Variants in UNC13A observed in about 807,000 individuals in gnomAD.
UNC13A encodes protein unc-13 homolog A.
A neutral mutation model predicts 219.7 loss-of-function variants in UNC13A; 61 were observed. That is an observed-to-expected ratio of 0.28 (90% CI 0.23 to 0.34). The LOEUF is 0.34. UNC13A is among the 10% of genes least tolerant of loss of function. UNC13A has a pLI of 1.00. For missense variants in UNC13A, 1,476 were observed against 2,270.3 expected, an observed-to-expected ratio of 0.65 and a Z score of 7.11; for synonymous variants, 920 against 884.6, an observed-to-expected ratio of 1.04 and a Z score of -0.71.
intron 34 of UNC13A, among the ~76,000 whole-genome samples, chr19:17,625,844 T>TTTAA (rs1484333241): frequency 1.3e-5 from 2 of 149,940 alleles, no homozygotes. Flanking sequence ...CAACCATCCA[T>TTTAA]TCATCCATCC....
At chr19:17,632,979 T>C (rs902702597) in intron 27 of UNC13A, 71 bp from the exon 28 acceptor site, 1 of 1,609,894 alleles carries the variant, frequency 6.2e-7, no homozygotes, top group African/African-American at 1.3e-5. Flanking sequence ...AGAGGCTGCC[T>C]ACTCTGGCCA....
At chr19:17,633,472 A>T (rs1040741344) in intron 26 of UNC13A, among the ~76,000 whole-genome samples, 3 of 151,826 alleles carry the variant, frequency 2.0e-5, no homozygotes, top group Non-Finnish European at 4.4e-5. Context: ...CCATCCATTC[A>T]TCCATCCTTC....
chr19:17,678,582 T>TC (rs2079945599), intron 1 of UNC13A, among the ~76,000 whole-genome samples: 2 of 152,040 alleles, frequency 1.3e-5, no homozygotes, highest in African/African-American at 4.8e-5. Flanking sequence ...CTTTTTTTTT[T>TC]CTAGGTCTGG....
At chr19:17,625,879 A>C (rs1157182212) in intron 34 of UNC13A, among the ~76,000 whole-genome samples, 2 of 152,140 alleles carry the variant, frequency 1.3e-5, no homozygotes, top group East Asian at 3.9e-4. Context: ...CCATTTATGC[A>C]TTAAAACATT....
At position 17,617,790 on chromosome 19, in the gene UNC13A, G is replaced by A; in HGVS notation, c.4470C>T (p.Asp1490=). 1 of 1,613,958 alleles carries A rather than the reference G, an allele frequency of 6.2e-7. No homozygotes were observed. Among genetic ancestry groups the A allele is most frequent in the Non-Finnish European group, 8.5e-7 (1 of 1,179,852 alleles). Residue 1490 remains aspartate (D), a synonymous_variant, in exon 41 of 44, where the codon GAC becomes GAT. Transcript: ENST00000519716. ...ACAGGGCATAGCGCAAGGATTGCAG[G>A]TCCGGGCTCTTCTCCAGGAAGGTCT... is the stretch of plus-strand genomic sequence containing the variant. ...LKKTFLEKSP[D]LQSLRYALSL...
chr19:17,680,855 CTCT>C (rs1009474953), intron 1 of UNC13A, among the ~76,000 whole-genome samples: 32 of 122,546 alleles, frequency 2.6e-4, no homozygotes, highest in South Asian at 1.4e-3. Flanking sequence ...TCTTTCTTTT[CTCT>C]TCTTCTTCTT....
At chr19:17,609,333 A>C (rs1006918768) in intron 43 of UNC13A, among the ~76,000 whole-genome samples, 4 of 151,770 alleles carry the variant, frequency 2.6e-5, no homozygotes, top group African/African-American at 9.7e-5. Context: ...TGATACCCGC[A>C]GCCTAGGCCC....
chr19:17,637,417 C>T (rs762083755), intron 25 of UNC13A, among the ~76,000 whole-genome samples: 58 of 152,044 alleles, frequency 3.8e-4, no homozygotes, highest in Non-Finnish European at 6.0e-4. Flanking sequence ...CCTGCCTCAG[C>T]CTCCCAAGTA....
At chr19:17,666,191 T>TTCTCTCTCTCTC (rs373186552) in intron 7 of UNC13A, among the ~76,000 whole-genome samples, 1 of 42,978 alleles carries the variant, frequency 2.3e-5, no homozygotes, top group Non-Finnish European at 7.0e-5. Context: ...CTCTCTCTCT[T>TTCTCTCTCTCTC]TCTCTCTTTC....
intron 34 of UNC13A, among the ~76,000 whole-genome samples, chr19:17,625,191 T>G (rs67375744): frequency 0.17 from 26,071 of 152,016 alleles, 2,907 homozygotes; most frequent in Non-Finnish European, 0.25. Context: ...GGAGGAAGGC[T>G]TGGGTTTTAT....
chr19:17,638,863 A>C (rs529849831), intron 25 of UNC13A, among the ~76,000 whole-genome samples: 44 of 152,236 alleles, frequency 2.9e-4, no homozygotes, highest in Non-Finnish European at 5.4e-4. Flanking sequence ...GCCAAACTCA[A>C]CTACGCAACC....
intron 28 of UNC13A, among the ~76,000 whole-genome samples, chr19:17,632,189 G>A (rs1353623030): frequency 6.6e-6 from 1 of 152,194 alleles, no homozygotes; most frequent in Non-Finnish European, 1.5e-5. Flanking sequence ...GAGATTACAG[G>A]CATGAGCCAC....
At chr19:17,606,647 C>G (rs1248125034) in intron 43 of UNC13A, among the ~76,000 whole-genome samples, 1 of 152,086 alleles carries the variant, frequency 6.6e-6, no homozygotes, top group Non-Finnish European at 1.5e-5. Flanking sequence ...CCCTCAGACA[C>G]CGCCCTGCAA....
intron 37 of UNC13A, 45 bp downstream of exon 37, chr19:17,621,787 C>T (rs1197264188): frequency 1.2e-6 from 2 of 1,609,476 alleles, no homozygotes; most frequent in South Asian, 1.1e-5. Context: ...CACACATGCC[C>T]AGACACTGGA....
intron 1 of UNC13A, 58 bp downstream of exon 1, chr19:17,688,120 G>T (rs1248717139): frequency 1.1e-5 from 16 of 1,510,854 alleles, no homozygotes; most frequent in Admixed American, 2.2e-5. Context: ...CATCCACGCG[G>T]ACCCCGACCC....
chr19:17,612,246 T>C (rs1252161939), intron 41 of UNC13A: 2 of 165,832 alleles, frequency 1.2e-5, no homozygotes, highest in Non-Finnish European at 2.6e-5. Context: ...TCGATTCTCA[T>C]CCTACATAGT....
intron 16 of UNC13A, among the ~76,000 whole-genome samples, chr19:17,648,115 AG>A (rs1274362879): frequency 1.4e-5 from 2 of 139,844 alleles, no homozygotes; most frequent in African/African-American, 2.7e-5. Context: ...CATTTTATCC[AG>A]GGGAGCTGCC....
intron 20 of UNC13A, 123 bp downstream of exon 20, chr19:17,642,722 G>T: frequency 2.6e-6 from 2 of 774,254 alleles, no homozygotes; most frequent in South Asian, 2.0e-5. Flanking sequence ...TAAAGGGAAT[G>T]GCATGGCGGG....
intron 19 of UNC13A, 132 bp from the exon 20 acceptor site, chr19:17,643,092 A>G: frequency 1.6e-6 from 1 of 607,772 alleles, no homozygotes; most frequent in Non-Finnish European, 2.8e-6. Context: ...GCTCACTGCA[A>G]CCTCCACCTC....
Sources: allele counts gnomAD v4.1 joint callset (sites outside exome capture counted in the v4.1 genomes callset), GRCh38; gene constraint gnomAD v4.1.1; transcripts MANE v1.5; gene names NCBI Gene and HGNC (gene_info 2026-07-23, HGNC 2026-07-21).